ZWILCH: variants seen among roughly 807,000 people sequenced by gnomAD.
ZWILCH encodes zwilch kinetochore protein, also known as protein zwilch homolog.
In ZWILCH, 74 loss-of-function variants were observed where a neutral mutation model predicts 79.9. The observed-to-expected ratio is 0.93, with a 90% CI of 0.77 to 1.12. The LOEUF (loss-of-function observed/expected upper bound fraction) is 1.12. ZWILCH is among the 50% of genes most tolerant of loss of function. ZWILCH has a pLI of 0.00. For synonymous variants in ZWILCH, 241 were observed against 228.2 expected, an observed-to-expected ratio of 1.06 and a Z score of -0.51; for missense variants, 694 against 687.5, an observed-to-expected ratio of 1.01 and a Z score of -0.11.
intron 14 of ZWILCH, among the ~76,000 whole-genome samples, chr15:66,533,295 G>T (rs1894909904): frequency 6.6e-6 from 1 of 152,158 alleles, no homozygotes; most frequent in African/African-American, 2.4e-5. Flanking sequence ...AATGCTTAGG[G>T]AATGCCTTTC....
In ZWILCH at chr15:66,529,549, A is replaced by G; in HGVS notation, c.1131A>G (p.Leu377=). The G allele has an allele frequency of 3.1e-6, 5 of 1,613,978 alleles. No individual in the cohort carries two copies. The highest frequency in any genetic ancestry group is 3.4e-6 in the Non-Finnish European group (4 of 1,179,902). The change falls in exon 12 of 19, where the codon CTA becomes CTG. Residue 377 remains leucine, a synonymous_variant. Coordinates refer to ENST00000307897, the MANE Select transcript of ZWILCH (RefSeq NM_017975.5). The part of the protein sequence containing the change: ...VKCFTLIIQS[L]QRGDIQPWLH... ...GTTTCACATTGATCATCCAGAGTCTACAACGTGGTGATATACAGCCATGGG... is the reference window on the plus strand; with the variant it reads ...GTTTCACATTGATCATCCAGAGTCTGCAACGTGGTGATATACAGCCATGGG...
chr15:66,540,962 G>C (rs998430574), intron 17 of ZWILCH, among the ~76,000 whole-genome samples: 2 of 151,356 alleles, frequency 1.3e-5, no homozygotes, highest in Non-Finnish European at 2.9e-5. Context: ...CGAACTCTAA[G>C]TGTAAAACAT....
rs748568573 is a variant in ZWILCH, at chr15:66,515,562, C to A, written c.238C>A (p.Leu80Ile). The A allele has an allele frequency of 1.2e-6, 2 of 1,612,130 alleles. No individual in the cohort carries two copies. Among genetic ancestry groups the A allele is most frequent in the Non-Finnish European group, 8.5e-7 (1 of 1,179,426 alleles). The change falls in exon 4 of 19, where the codon CTT becomes ATT. Residue 80 changes from leucine (L) to isoleucine (I), a missense_variant. Coordinates refer to ENST00000307897, the MANE Select transcript of ZWILCH (RefSeq NM_017975.5). ...GGAAGAAACAAGTCATATTGAAGAACTTCAATCTGAAGAAACTGCCATATC... is the reference window on the plus strand; with the variant it reads ...GGAAGAAACAAGTCATATTGAAGAAATTCAATCTGAAGAAACTGCCATATC... ...EKEETSHIEE[L>I]QSEETAISDF... is the part of the protein sequence containing the mutation.
intron 8 of ZWILCH, among the ~76,000 whole-genome samples, chr15:66,526,982 C>T (rs1398988494): frequency 6.6e-6 from 1 of 152,126 alleles, no homozygotes; most frequent in Non-Finnish European, 1.5e-5. Context: ...CATCATTGTT[C>T]AGAGTACCAT....
In ZWILCH at chr15:66,532,269, T is replaced by C; in HGVS notation, c.1178T>C (p.Leu393Ser). 2 of 1,600,360 alleles carry C rather than the reference T, an allele frequency of 1.2e-6. No individual in the cohort carries two copies. The highest frequency in any genetic ancestry group is 1.7e-6 in the Non-Finnish European group (2 of 1,174,950). Residue 393 changes from leucine (L) to serine (S), a missense_variant, in exon 13 of 19, where the codon TTA becomes TCA. Coordinates refer to ENST00000307897, the MANE Select transcript of ZWILCH (RefSeq NM_017975.5). ...TAGCTCCATAGTGGAAGTAACAGTT[T>C]ACTAAGTAAGCTCATTCATCAGTCT... ...QPWLHSGSNS[L>S]LSKLIHQSYH...
At chr15:66,536,626 C>T (rs954700956) in intron 15 of ZWILCH, among the ~76,000 whole-genome samples, 1 of 152,162 alleles carries the variant, frequency 6.6e-6, no homozygotes. Context: ...GACTGGGTTT[C>T]TTTTCCCTCT....
chr15:66,510,191 TAATAA>T (rs1270908503), intron 2 of ZWILCH, among the ~76,000 whole-genome samples: 78 of 120,532 alleles, frequency 6.5e-4, no homozygotes, highest in African/African-American at 2.2e-3. Context: ...TAAAATAAAA[TAATAA>T]AATAAAATAA....
At chr15:66,511,566 G>C (rs1303149201) in intron 2 of ZWILCH, among the ~76,000 whole-genome samples, 1 of 151,418 alleles carries the variant, frequency 6.6e-6, no homozygotes, top group Non-Finnish European at 1.5e-5. Context: ...AAAACAGTAA[G>C]ATCTTATGTT....
At chr15:66,539,360 C>T (rs1056001651) in intron 16 of ZWILCH, among the ~76,000 whole-genome samples, 6 of 146,392 alleles carry the variant, frequency 4.1e-5, no homozygotes, top group East Asian at 2.0e-4. Context: ...ACTGTGATCA[C>T]GCCACTGCAC....
At chr15:66,520,507 G>A in intron 5 of ZWILCH, 83 bp from the exon 6 acceptor site, 1 of 713,564 alleles carries the variant, frequency 1.4e-6, no homozygotes, top group South Asian at 1.6e-5. Context: ...GGTACATTGA[G>A]AATGTGAGGG....
chr15:66,525,713 G>A (rs945697723), intron 8 of ZWILCH, among the ~76,000 whole-genome samples: 1 of 148,262 alleles, frequency 6.7e-6, no homozygotes, highest in Non-Finnish European at 1.5e-5. Flanking sequence ...GTTCGCCTAT[G>A]CTCCTAATCA....
chr15:66,512,589 C>T (rs1355687138), intron 2 of ZWILCH, among the ~76,000 whole-genome samples: 1 of 151,724 alleles, frequency 6.6e-6, no homozygotes, highest in African/African-American at 2.4e-5. Flanking sequence ...GGAAAAGGAA[C>T]GTGTACCAAC....
intron 18 of ZWILCH, chr15:66,547,616 T>C (rs1895425632): frequency 6.6e-6 from 1 of 152,282 alleles, no homozygotes; most frequent in Non-Finnish European, 1.5e-5. Flanking sequence ...GTAATATTTC[T>C]TTGAGGTATT....
intron 1 of ZWILCH, among the ~76,000 whole-genome samples, chr15:66,507,156 C>T (rs555731965): frequency 7.2e-5 from 11 of 152,172 alleles, no homozygotes; most frequent in African/African-American, 2.4e-4. Context: ...CCATCGTGCC[C>T]GGCCCATTTA....
At chr15:66,537,372 A>G in intron 16 of ZWILCH, 109 bp downstream of exon 16, 1 of 685,340 alleles carries the variant, frequency 1.5e-6, no homozygotes, top group Non-Finnish European at 2.5e-6. Context: ...AGCCTGGGCA[A>G]CATAATGAGA....
At chr15:66,529,319 C>A (rs1197568579) in intron 11 of ZWILCH, among the ~76,000 whole-genome samples, 175 bp from the exon 12 acceptor site, 2 of 150,772 alleles carry the variant, frequency 1.3e-5, no homozygotes, top group African/African-American at 4.9e-5. Context: ...TGGTTTCTTT[C>A]TTTAGAAATT....
chr15:66,540,075 T>A (rs181356831), intron 16 of ZWILCH, 23 bp from the exon 17 acceptor site: 1 of 1,572,702 alleles, frequency 6.4e-7, no homozygotes, highest in South Asian at 1.1e-5. Context: ...AATTTTTCTT[T>A]TGTCGTTTTA....
At chr15:66,541,006 G>A (rs112914414) in intron 17 of ZWILCH, among the ~76,000 whole-genome samples, 31,217 of 151,282 alleles carry the variant, frequency 0.21, 3,821 homozygotes, top group Middle Eastern at 0.33. Context: ...TGCTGGGCCC[G>A]GTGGTTCGAG....
intron 16 of ZWILCH, among the ~76,000 whole-genome samples, chr15:66,538,711 G>A (rs1455287039): frequency 6.6e-6 from 1 of 152,058 alleles, no homozygotes; most frequent in Admixed American, 6.6e-5. Flanking sequence ...AGGCTGTTTG[G>A]CATTTAGCAC....
Sources: allele counts gnomAD v4.1 joint callset (sites outside exome capture counted in the v4.1 genomes callset), GRCh38; gene constraint gnomAD v4.1.1; transcripts MANE v1.5; gene names NCBI Gene and HGNC (gene_info 2026-07-23, HGNC 2026-07-21).